CEP112: variants seen among roughly 807,000 people sequenced by gnomAD.
CEP112 encodes centrosomal protein of 112 kDa.
Under a neutral mutation model 153.0 loss-of-function variants are expected in CEP112, and 127 were observed. The observed-to-expected ratio is 0.83, with a 90% CI of 0.72 to 0.96. The LOEUF (loss-of-function observed/expected upper bound fraction) is 0.96. Ranked by LOEUF, CEP112 falls within the 40% of genes least tolerant of loss-of-function variation. The probability of loss-of-function intolerance (pLI) is 0.00; values close to 1 mark genes in which losing one functional copy is unlikely to be tolerated. For synonymous variants in CEP112, 358 were observed against 374.4 expected (o/e 0.96, Z 0.51); for missense variants, 1,089 against 1,101.2 (o/e 0.99, Z 0.16).
chr17:66,130,641 T>C (rs2070104395), intron 5 of CEP112, among the ~76,000 whole-genome samples: 1 of 151,874 alleles, frequency 6.6e-6, no homozygotes, highest in Non-Finnish European at 1.5e-5. Context: ...CCGGGCGTGG[T>C]GGTGGGCACC....
intron 21 of CEP112, among the ~76,000 whole-genome samples, chr17:65,757,116 T>C (rs987016328): frequency 6.6e-6 from 1 of 152,162 alleles, no homozygotes; most frequent in African/African-American, 2.4e-5. Flanking sequence ...AGCAAGAATG[T>C]AGCAAGAGGC....
intron 19 of CEP112, among the ~76,000 whole-genome samples, chr17:65,908,082 C>A (rs756609745): frequency 5.3e-5 from 8 of 152,210 alleles, no homozygotes; most frequent in Middle Eastern, 3.4e-3. Flanking sequence ...ACTGGATGCA[C>A]CATGATCAAG....
intron 23 of CEP112, among the ~76,000 whole-genome samples, chr17:65,722,905 A>C (rs952430967): frequency 6.6e-6 from 1 of 152,212 alleles, no homozygotes; most frequent in African/African-American, 2.4e-5. Context: ...TAGGTCAAGA[A>C]GTGAAATGGT....
At chr17:65,684,648 A>T (rs1028546366) in intron 24 of CEP112, among the ~76,000 whole-genome samples, 12 of 152,226 alleles carry the variant, frequency 7.9e-5, no homozygotes, top group Non-Finnish European at 7.3e-5. Flanking sequence ...AAACTAAGTG[A>T]ATTTTAGTTT....
At chr17:65,801,660 A>C (rs951251680) in intron 21 of CEP112, among the ~76,000 whole-genome samples, 2 of 152,194 alleles carry the variant, frequency 1.3e-5, no homozygotes, top group African/African-American at 4.8e-5. Context: ...CTTGGTTAAC[A>C]GTGTTTTTCT....
chr17:65,745,568 A>G (rs939901339), intron 22 of CEP112, among the ~76,000 whole-genome samples: 3 of 152,192 alleles, frequency 2.0e-5, no homozygotes, highest in Admixed American at 1.3e-4. Context: ...CCAAATAGTA[A>G]AAAACAACTT....
chr17:65,664,024 C>T (rs370416477), intron 24 of CEP112, among the ~76,000 whole-genome samples: 4 of 151,710 alleles, frequency 2.6e-5, no homozygotes, highest in East Asian at 1.9e-4. Flanking sequence ...CCAGCCTGGG[C>T]GACAGAGCAA....
At chr17:65,713,589 CT>C (rs1567902575) in intron 23 of CEP112, among the ~76,000 whole-genome samples, 1 of 152,008 alleles carries the variant, frequency 6.6e-6, no homozygotes. Context: ...AATTGACTTT[CT>C]TTTTTTCTTT....
chr17:65,698,940 T>C (rs2048487803), intron 23 of CEP112, among the ~76,000 whole-genome samples: 1 of 152,166 alleles, frequency 6.6e-6, no homozygotes, highest in Non-Finnish European at 1.5e-5. Flanking sequence ...TCGATTTTCT[T>C]ACAAAGACTA....
chr17:66,046,050 C>CT (rs1032586436), intron 12 of CEP112, among the ~76,000 whole-genome samples: 158 of 147,756 alleles, frequency 1.1e-3, no homozygotes, highest in South Asian at 7.3e-3. Context: ...TTTTCTTTTT[C>CT]TTTTTTTTTT....
chr17:66,181,172 A>G (rs1442962346), intron 2 of CEP112, among the ~76,000 whole-genome samples: 1 of 152,190 alleles, frequency 6.6e-6, no homozygotes, highest in African/African-American at 2.4e-5. Flanking sequence ...ACCCATTATC[A>G]CAAGTTGAAT....
At chr17:65,656,408 A>G (rs773662151) in intron 24 of CEP112, among the ~76,000 whole-genome samples, 3 of 152,232 alleles carry the variant, frequency 2.0e-5, no homozygotes, top group Admixed American at 6.5e-5. Context: ...TGTCACTTGC[A>G]ACCCAAACGG....
Position 66,005,807 on chromosome 17 carries a change from G to C in CEP112, c.1657-38C>G, listed in dbSNP as rs1015098. ...GAACATGGAAAATTTATTGGAAGAC[G>C]AGTAAAGTTTACTTCAAAGAGACAT... On this transcript the variant is annotated intron_variant, in intron 16 of 26. Transcript: ENST00000535342. The C allele has an allele frequency of 7.0e-5, 109 of 1,558,908 alleles. 1 individual carries two copies. The African/African-American group carries it at 1.3e-3, about 19-fold the overall frequency.
At chr17:65,990,557 G>A (rs1386366727) in intron 17 of CEP112, among the ~76,000 whole-genome samples, 4 of 152,236 alleles carry the variant, frequency 2.6e-5, no homozygotes, top group African/African-American at 9.6e-5. Context: ...GTAGTCAGCT[G>A]ACATCTGCCT....
At chr17:66,128,626 T>C (rs1170634901) in intron 6 of CEP112, among the ~76,000 whole-genome samples, 1 of 152,160 alleles carries the variant, frequency 6.6e-6, no homozygotes, top group Admixed American at 6.5e-5. Flanking sequence ...AAAGATGTAA[T>C]GTAAGCTAAG....
intron 19 of CEP112, among the ~76,000 whole-genome samples, chr17:65,919,389 C>A (rs2060620072): frequency 6.6e-6 from 1 of 152,204 alleles, no homozygotes; most frequent in Non-Finnish European, 1.5e-5. Flanking sequence ...GGCCCAGATG[C>A]TCGGCGTCTA....
chr17:66,054,825 C>T (rs1165162946), intron 11 of CEP112, among the ~76,000 whole-genome samples: 3 of 152,302 alleles, frequency 2.0e-5, no homozygotes, highest in East Asian at 1.9e-4. Flanking sequence ...GGTGCAATCT[C>T]GGCTCAGTGC....
At chr17:66,107,199 G>A (rs540349569) in intron 6 of CEP112, among the ~76,000 whole-genome samples, 1 of 151,980 alleles carries the variant, frequency 6.6e-6, no homozygotes, top group South Asian at 2.1e-4. Flanking sequence ...TATTGAACAG[G>A]AAAAACTGAA....
intron 6 of CEP112, among the ~76,000 whole-genome samples, chr17:66,122,130 G>A (rs1253979345): frequency 4.6e-5 from 7 of 152,008 alleles, no homozygotes; most frequent in East Asian, 3.9e-4. Context: ...TCTTGACCTC[G>A]TGATCCGCCC....
Sources: gnomAD v4.1 joint callset for allele counts (sites outside exome capture counted in the v4.1 genomes callset) on GRCh38, gnomAD v4.1.1 for gene constraint, MANE v1.5 for transcripts, NCBI Gene and HGNC (gene_info 2026-07-23, HGNC 2026-07-21) for gene names.